Variants in AGTPBP1 observed in about 807,000 individuals in gnomAD.
The protein encoded by AGTPBP1 is ATP/GTP binding carboxypeptidase 1.
Under a neutral mutation model 143.9 loss-of-function variants are expected in AGTPBP1, and 70 were observed. The ratio of observed to expected loss-of-function variants is 0.49; its 90% CI spans 0.40 to 0.59. The LOEUF (loss-of-function observed/expected upper bound fraction) is 0.59. Among genes scored for constraint, AGTPBP1 ranks in the 20% least tolerant of loss-of-function variants. The pLI is 0.00. For missense variants in AGTPBP1, 1,229 were observed against 1,464.5 expected (o/e 0.84, Z 2.62); for synonymous variants, 463 against 500.2 (o/e 0.93, Z 0.99).
At chr9:85,674,472 G>C (rs1374263954) in intron 6 of AGTPBP1, among the ~76,000 whole-genome samples, 1 of 151,894 alleles carries the variant, frequency 6.6e-6, no homozygotes, top group Non-Finnish European at 1.5e-5. Flanking sequence ...AGAAGAGAAA[G>C]CATAACAATA....
At position 85,660,958 on chromosome 9, in the gene AGTPBP1, A is replaced by C. The variant is rs1037668249; in HGVS notation, c.678T>G (p.Thr226=). 1 of 1,596,686 alleles carries C rather than the reference A, an allele frequency of 6.3e-7. No homozygotes were observed. Among genetic ancestry groups the C allele is most frequent in the Non-Finnish European group, 8.5e-7 (1 of 1,173,220 alleles). The change falls in exon 9 of 26, where the codon ACT becomes ACG. Residue 226 remains threonine, a synonymous_variant. Coordinates refer to ENST00000357081, the MANE Select transcript of AGTPBP1 (RefSeq NM_001330701.2). ...NSSLIKVALD[T]LAALLKSKTN... ...TACTTGATTTTAGCAATGCAGCAAG[A>C]GTGTCTAAAGCAACCCTGTCAACAC...
chr9:85,622,092 G>T lies in AGTPBP1; in HGVS notation c.2016-807C>A, dbSNP rs1830971482. 2.0e-5 allele frequency among the ~76,000 whole-genome samples: 3 copies of T among 152,256 alleles called. No homozygotes were observed. The South Asian group carries it at 6.2e-4, about 32-fold the overall frequency. ...TAACTCCAGGTAGACTGGCCACAAA[G>T]TCCTGCTAGTGTTAATACATAGCTA... is the stretch of plus-strand genomic sequence containing the variant. On this transcript the variant is annotated intron_variant, in intron 14 of 25. Transcript: ENST00000357081.
the AGTPBP1 span, among the ~76,000 whole-genome samples, chr9:85,748,618 T>G: frequency 1.4e-4 from 21 of 152,222 alleles, no homozygotes; most frequent in Non-Finnish European, 4.4e-5. Flanking sequence ...ACATGATATA[T>G]CAGTTGGGTG....
rs190322019 is a variant in AGTPBP1, at chr9:85,637,263, G to C, written c.1303-3889C>G. Among the ~76,000 whole-genome samples, 918 of 151,958 alleles carry C rather than the reference G, an allele frequency of 6.0e-3. 10 individuals are homozygous for C. The highest frequency in any genetic ancestry group is 0.021 in the African/African-American group (878 of 41,440). On this transcript the variant is annotated intron_variant, in intron 13 of 25. Coordinates refer to ENST00000357081, the MANE Select transcript of AGTPBP1 (RefSeq NM_001330701.2). ...TCACCATGTTGGCCTGACTGGTCTT[G>C]AACTCCTGACCTCAGGTGATCCACC...
the AGTPBP1 span, among the ~76,000 whole-genome samples, chr9:85,788,273 T>C: frequency 9.9e-5 from 15 of 151,584 alleles, 1 homozygote; most frequent in South Asian, 1.7e-3. Context: ...CAGATTCTGG[T>C]TTCCAGCTAG....
rs748522429 is a variant in AGTPBP1, at chr9:85,588,338, T to C, written c.2863A>G (p.Ile955Val). The C allele has an allele frequency of 6.2e-7, 1 of 1,610,428 alleles. No homozygotes were observed. Among genetic ancestry groups the C allele is most frequent in the East Asian group, 2.2e-5 (1 of 44,798 alleles). Residue 955 changes from isoleucine to valine, a missense_variant, in exon 21 of 26, where the codon ATT becomes GTT. By Grantham distance (29) the Ile-to-Val change is conservative. This residue lies in a region of AGTPBP1 where 486 missense variants were observed against 652.3 expected (regional missense o/e 0.75). Coordinates refer to ENST00000357081, the MANE Select transcript of AGTPBP1 (RefSeq NM_001330701.2). ...CCATCTGGATTTAACATAGGGACAA[T>C]TTTAAAAATATAAGATTCTCGTAAG... ...QSLRESYIFKIVPMLNPDGVI... is the reference protein window; with the variant it reads ...QSLRESYIFKVVPMLNPDGVI...
At chr9:85,556,916 T>C (rs1359570357) in intron 25 of AGTPBP1, among the ~76,000 whole-genome samples, 3 of 152,040 alleles carry the variant, frequency 2.0e-5, no homozygotes, top group African/African-American at 7.2e-5. Context: ...CCAAAAACCA[T>C]TACAATGTGA....
the AGTPBP1 span, among the ~76,000 whole-genome samples, chr9:85,768,132 C>T: frequency 1.3e-5 from 2 of 152,210 alleles, no homozygotes; most frequent in African/African-American, 4.8e-5. Flanking sequence ...ACTGCAAACA[C>T]TGATATGCTG....
At chr9:85,746,404 T>C (rs1030832008), upstream of AGTPBP1, among the ~76,000 whole-genome samples, 14 of 152,108 alleles carry the variant, frequency 9.2e-5, no homozygotes, top group African/African-American at 2.2e-4. Flanking sequence ...AGGCATATCA[T>C]TGGAGCCAGG....
At chr9:85,672,465 G>C in intron 7 of AGTPBP1, 85 bp downstream of exon 7, 2 of 1,407,460 alleles carry the variant, frequency 1.4e-6, no homozygotes, top group Non-Finnish European at 1.9e-6. Flanking sequence ...ACAAATATCA[G>C]AGGTTTACAG....
intron 1 of AGTPBP1, among the ~76,000 whole-genome samples, chr9:85,719,621 C>T (rs1837966699): frequency 1.3e-5 from 2 of 152,280 alleles, no homozygotes; most frequent in South Asian, 4.1e-4. Flanking sequence ...GGCAATTTGA[C>T]TTCCTCTTTT....
At chr9:85,589,978 A>G (rs1000126645) in intron 19 of AGTPBP1, among the ~76,000 whole-genome samples, 1 of 152,194 alleles carries the variant, frequency 6.6e-6, no homozygotes, top group African/African-American at 2.4e-5. Context: ...TAGAATCAAT[A>G]TTCTAAATAA....
Position 85,677,418 on chromosome 9 carries a change from A to G in AGTPBP1, c.436+18T>C. On this transcript the variant is annotated intron_variant, in intron 6 of 25. Transcript: ENST00000357081. The stretch of plus-strand genomic sequence containing the variant: ...AAATAGTTCTAGATACAATAATCAT[A>G]CAAATGAAATCCCTTACCTTTTGGT... 1 of 1,602,430 alleles carries G rather than the reference A, an allele frequency of 6.2e-7. No individual in the cohort carries two copies. The highest frequency in any genetic ancestry group is 8.5e-7 in the Non-Finnish European group (1 of 1,174,932).
intron 13 of AGTPBP1, among the ~76,000 whole-genome samples, chr9:85,639,176 A>G (rs756914328): frequency 6.6e-6 from 1 of 152,164 alleles, no homozygotes; most frequent in Non-Finnish European, 1.5e-5. Flanking sequence ...CTTTTTTAGA[A>G]AGCCAATTTT....
chr9:85,707,177 T>A (rs72746619), intron 2 of AGTPBP1, among the ~76,000 whole-genome samples: 3 of 152,104 alleles, frequency 2.0e-5, no homozygotes, highest in Non-Finnish European at 4.4e-5. Flanking sequence ...AAAAGGGAAA[T>A]CAGAAGGTAT....
chr9:85,700,008 G>A (rs1319598468), intron 2 of AGTPBP1, among the ~76,000 whole-genome samples: 1 of 152,140 alleles, frequency 6.6e-6, no homozygotes, highest in Non-Finnish European at 1.5e-5. Flanking sequence ...TTTAATGTCT[G>A]GCTCAGTAGA....
chr9:85,637,481 T>C (rs1201030248), intron 13 of AGTPBP1, among the ~76,000 whole-genome samples: 1 of 152,024 alleles, frequency 6.6e-6, no homozygotes, highest in Non-Finnish European at 1.5e-5. Flanking sequence ...TATCAAGCAA[T>C]AAGGAAAGAA....
At chr9:85,551,798 G>C (rs1395224181) in intron 25 of AGTPBP1, among the ~76,000 whole-genome samples, 1 of 151,232 alleles carries the variant, frequency 6.6e-6, no homozygotes, top group Non-Finnish European at 1.5e-5. Flanking sequence ...AACCTTCACT[G>C]AAAAAAAAGA....
chr9:85,661,681 C>T (rs1050107870), intron 8 of AGTPBP1, among the ~76,000 whole-genome samples: 2 of 152,080 alleles, frequency 1.3e-5, no homozygotes, highest in Non-Finnish European at 2.9e-5. Context: ...AAATCAACTG[C>T]CGTTAATCAG....
Sources: gnomAD v4.1 joint callset for allele counts (sites outside exome capture counted in the v4.1 genomes callset) on GRCh38, gnomAD v4.1.1 for gene constraint, gnomAD v4.1.1 regional missense constraint, MANE v1.5 for transcripts, NCBI Gene and HGNC (gene_info 2026-07-23, HGNC 2026-07-21) for gene names.